Variants in GBF1 observed in about 807,000 individuals in gnomAD.
GBF1 encodes golgi brefeldin A resistant guanine nucleotide exchange factor 1.
Under a neutral mutation model 210.5 loss-of-function variants are expected in GBF1, and 114 were observed. The ratio of observed to expected loss-of-function variants is 0.54; its 90% CI spans 0.47 to 0.63. The LOEUF (loss-of-function observed/expected upper bound fraction) is 0.63, where lower values mean the gene tolerates loss of function less well. GBF1 is among the 30% of genes least tolerant of loss of function. The pLI is 0.00. For synonymous variants in GBF1, 850 were observed against 889.2 expected (o/e 0.96, Z 0.78); for missense variants, 1,851 against 2,357.7 (o/e 0.79, Z 4.45).
At chr10:102,266,296 C>T (rs1474111127) in intron 3 of GBF1, among the ~76,000 whole-genome samples, 1 of 151,994 alleles carries the variant, frequency 6.6e-6, no homozygotes, top group African/African-American at 2.4e-5. Context: ...TTAACTATAA[C>T]ATTGTTCTAG....
At chr10:102,339,470 T>C (rs180693746) in intron 3 of GBF1, among the ~76,000 whole-genome samples, 319 of 150,986 alleles carry the variant, frequency 2.1e-3, no homozygotes, top group African/African-American at 5.7e-3. Flanking sequence ...ATCGAGACCA[T>C]CCTGGCCAAC....
At chr10:102,296,960 G>A (rs745690702) in intron 3 of GBF1, among the ~76,000 whole-genome samples, 1 of 151,288 alleles carries the variant, frequency 6.6e-6, no homozygotes, top group Non-Finnish European at 1.5e-5. Context: ...CACAAGGATC[G>A]TTTGAACCCG....
chr10:102,367,625 GT>G, intron 21 of GBF1, 65 bp downstream of exon 21: 2 of 973,384 alleles, frequency 2.1e-6, no homozygotes, highest in Non-Finnish European at 3.3e-6. Flanking sequence ...TCCTTTCCCA[GT>G]TTTTAGAGTC....
At chr10:102,255,077 G>T (rs1285474643) in intron 1 of GBF1, among the ~76,000 whole-genome samples, 1 of 152,052 alleles carries the variant, frequency 6.6e-6, no homozygotes, top group Non-Finnish European at 1.5e-5. Context: ...GTCTCACTCT[G>T]TTGCCCAGGT....
At chr10:102,263,308 G>A (rs1435479942) in intron 3 of GBF1, among the ~76,000 whole-genome samples, 1 of 152,198 alleles carries the variant, frequency 6.6e-6, no homozygotes, top group East Asian at 1.9e-4. Flanking sequence ...AACTTGGAGA[G>A]AAAACTGAAG....
chr10:102,348,583 G>C (rs1256891488), intron 4 of GBF1, among the ~76,000 whole-genome samples: 2 of 152,216 alleles, frequency 1.3e-5, no homozygotes, highest in Non-Finnish European at 2.9e-5. Context: ...CTATGAGATA[G>C]AGGCCCTGAG....
chr10:102,231,462 G>A, the GBF1 span: 3 of 665,772 alleles, frequency 4.5e-6, no homozygotes, highest in East Asian at 2.7e-5. Context: ...GGCTGCGGCC[G>A]GGAGCCAGGG....
chr10:102,249,760 T>TGG (rs2071275193), intron 1 of GBF1, among the ~76,000 whole-genome samples: 1 of 151,492 alleles, frequency 6.6e-6, no homozygotes, highest in Non-Finnish European at 1.5e-5. Flanking sequence ...GGTGTGATCT[T>TGG]GGCTCACTGC....
rs1305698709 is a variant in GBF1, at chr10:102,344,145, C to T, written c.258C>T (p.Leu86=). Residue 86 remains leucine, a synonymous_variant, in exon 4 of 40, where the codon CTC becomes CTT. Coordinates refer to ENST00000369983, the MANE Select transcript of GBF1 (RefSeq NM_001377137.1). Reference sequence around the variant, plus strand: ...CTGGCCCTATCACTGGACTGGCACTCACCTCTGTCAACAAGTTCCTGTCCT... The same window carrying T: ...CTGGCCCTATCACTGGACTGGCACTTACCTCTGTCAACAAGTTCCTGTCCT... The part of the protein sequence containing the change: ...DTTGPITGLA[L]TSVNKFLSYA... 1 of 1,613,622 alleles carries T rather than the reference C, an allele frequency of 6.2e-7. No homozygotes were observed. Among genetic ancestry groups the T allele is most frequent in the South Asian group, 1.1e-5 (1 of 91,078 alleles).
At chr10:102,320,826 C>T (rs117779480) in intron 3 of GBF1, among the ~76,000 whole-genome samples, 6,210 of 150,880 alleles carry the variant, frequency 0.041, 180 homozygotes, top group Non-Finnish European at 0.06. Flanking sequence ...CTGACTCTGT[C>T]GCCCAGACTG....
intron 31 of GBF1, 30 bp downstream of exon 31, chr10:102,376,462 C>T (rs1234448591): frequency 6.2e-7 from 1 of 1,613,084 alleles, no homozygotes; most frequent in East Asian, 2.2e-5. Context: ...GCAATTGAGT[C>T]TCTCCTGCTT....
intron 3 of GBF1, among the ~76,000 whole-genome samples, chr10:102,293,834 GT>G (rs2076682752): frequency 8.0e-6 from 1 of 124,318 alleles, no homozygotes; most frequent in Non-Finnish European, 1.6e-5. Context: ...CTAGAGTGCA[GT>G]GGCGTGATCT....
At chr10:102,342,593 G>A (rs1009034353) in intron 3 of GBF1, among the ~76,000 whole-genome samples, 8 of 151,942 alleles carry the variant, frequency 5.3e-5, no homozygotes, top group East Asian at 1.9e-4. Context: ...AGGAGCAGCC[G>A]GGCCCAGGGA....
At chr10:102,368,591 T>G in intron 22 of GBF1, 137 bp downstream of exon 22, 1 of 803,350 alleles carries the variant, frequency 1.2e-6, no homozygotes. Flanking sequence ...AGGCTGAAGC[T>G]TGGGTAGGCT....
chr10:102,368,951 T>A, intron 23 of GBF1, 119 bp downstream of exon 23: 1 of 705,946 alleles, frequency 1.4e-6, no homozygotes, highest in Non-Finnish European at 2.5e-6. Flanking sequence ...CTGCCCCCAC[T>A]TGAATATACC....
At chr10:102,296,044 C>A (rs2076879924) in intron 3 of GBF1, among the ~76,000 whole-genome samples, 1 of 152,020 alleles carries the variant, frequency 6.6e-6, no homozygotes, top group Admixed American at 6.6e-5. Context: ...AAAAATAAAA[C>A]ACAATATAAT....
chr10:102,338,474 C>T (rs1224613217), intron 3 of GBF1, among the ~76,000 whole-genome samples: 1 of 151,822 alleles, frequency 6.6e-6, no homozygotes, highest in Non-Finnish European at 1.5e-5. Flanking sequence ...AAACTCGTGA[C>T]CTCAAGTGAT....
chr10:102,369,359 C>T lies in GBF1; in HGVS notation c.3122C>T (p.Ala1041Val). The change falls in exon 24 of 40, where the codon GCC becomes GTC. Residue 1041 changes from alanine (A) to valine (V), a missense_variant. Physicochemically the swap from Ala to Val is moderately conservative, Grantham distance 64 (BLOSUM62 0). This residue lies in a region of GBF1 where 967 missense variants were observed against 1,247.7 expected (regional missense o/e 0.78). Coordinates refer to ENST00000369983, the MANE Select transcript of GBF1 (RefSeq NM_001377137.1). ...IMEAMLQLFRAQLLPKAMIEV... is the reference protein window; with the variant it reads ...IMEAMLQLFRVQLLPKAMIEV... ...GAGGCCATGCTGCAGCTCTTCCGAG[C>T]CCAACTACTGCCCAAGGCTATGATA... 6.2e-7 allele frequency: 1 copy of T among 1,613,608 alleles called. No individual in the cohort carries two copies. Among genetic ancestry groups the T allele is most frequent in the Non-Finnish European group, 8.5e-7 (1 of 1,179,530 alleles).
the GBF1 span, among the ~76,000 whole-genome samples, chr10:102,233,536 G>A: frequency 2.0e-5 from 3 of 151,930 alleles, no homozygotes; most frequent in Non-Finnish European, 4.4e-5. Flanking sequence ...ACTCCTCATC[G>A]CAGGTGATCT....
Sources: allele counts gnomAD v4.1 joint callset (sites outside exome capture counted in the v4.1 genomes callset), GRCh38; gene constraint gnomAD v4.1.1; regional missense constraint gnomAD v4.1.1; transcripts MANE v1.5; gene names NCBI Gene and HGNC (gene_info 2026-07-23, HGNC 2026-07-21).